The following RALYL variants were observed in gnomAD, a reference collection of about 807,000 sequenced individuals.
The protein encoded by RALYL is RALY RNA binding protein like, also known as RNA-binding Raly-like protein.
RALYL carries 29 observed loss-of-function variants against 35.1 expected under a neutral mutation model. The observed-to-expected ratio is 0.83, with a 90% confidence interval of 0.61 to 1.13. The LOEUF is 1.13. Among genes scored for constraint, RALYL ranks in the 50% most tolerant of loss-of-function variants. RALYL has a pLI of 0.00. For synonymous variants in RALYL, 120 were observed against 127.6 expected, an observed-to-expected ratio of 0.94 and a Z score of 0.40; for missense variants, 359 against 360.4, an observed-to-expected ratio of 1.00 and a Z score of 0.03.
rs146818708 is a variant in RALYL, at chr8:84,734,220, C to A, written c.257-40359C>A. Among the ~76,000 whole-genome samples, 553 of 152,178 alleles carry A rather than the reference C, an allele frequency of 3.6e-3. 6 individuals are homozygous for A. The highest frequency in any genetic ancestry group is 0.013 in the African/African-American group (530 of 41,538). ...TTTTCTATTCCTGTTGTGCATATCACCCCTTAATTTAAATCTTTGACAAGC... is the reference window on the plus strand; with the variant it reads ...TTTTCTATTCCTGTTGTGCATATCAACCCTTAATTTAAATCTTTGACAAGC... On this transcript the variant is annotated intron_variant, in intron 2 of 8. Transcript: ENST00000521268.
At chr8:84,294,390 G>T (rs1329944767) in intron 1 of RALYL, among the ~76,000 whole-genome samples, 1 of 152,112 alleles carries the variant, frequency 6.6e-6, no homozygotes, top group Non-Finnish European at 1.5e-5. Flanking sequence ...GGATTAAATT[G>T]TTCAGCAATG....
At position 84,554,854 on chromosome 8, in the gene RALYL, C is replaced by A. The variant is rs188103286; in HGVS notation, c.256+25277C>A. The stretch of plus-strand genomic sequence containing the variant: ...GTATAGAAATTTTGATAAATTATTT[C>A]TTCAAAACAAAAGAGTATGACAAAG... On this transcript the variant is annotated intron_variant, in intron 2 of 8. Transcript: ENST00000521268. Among the ~76,000 whole-genome samples the A allele has an allele frequency of 5.8e-3, 876 of 152,248 alleles. 2 individuals are homozygous for A. The highest frequency in any genetic ancestry group is 8.1e-3 in the Non-Finnish European group (548 of 68,004).
At chr8:84,259,457 T>C (rs1024582252) in intron 1 of RALYL, among the ~76,000 whole-genome samples, 5 of 152,144 alleles carry the variant, frequency 3.3e-5, no homozygotes, top group African/African-American at 1.2e-4. Flanking sequence ...GTATTATCAT[T>C]CTAATTGTTC....
At chr8:84,569,004 T>C (rs1807216735) in intron 2 of RALYL, among the ~76,000 whole-genome samples, 1 of 149,316 alleles carries the variant, frequency 6.7e-6, no homozygotes, top group African/African-American at 2.5e-5. Context: ...GGTTGCCTGT[T>C]CACTCTGATG....
chr8:84,347,134 G>A (rs549124860), intron 1 of RALYL, among the ~76,000 whole-genome samples: 2 of 152,094 alleles, frequency 1.3e-5, no homozygotes, highest in South Asian at 4.1e-4. Flanking sequence ...CTGGGAGGCA[G>A]AGGTTGCAGT....
intron 1 of RALYL, among the ~76,000 whole-genome samples, chr8:84,356,893 G>C (rs1470496390): frequency 3.3e-3 from 447 of 134,714 alleles, no homozygotes; most frequent in African/African-American, 0.011. Context: ...TATATATATA[G>C]AATAATAGAG....
intron 2 of RALYL, among the ~76,000 whole-genome samples, chr8:84,659,968 GT>G (rs1830606309): frequency 6.6e-6 from 1 of 152,072 alleles, no homozygotes. Flanking sequence ...AGAAATAGAG[GT>G]TTAAGTATAT....
At chr8:84,758,613 T>C (rs1811980885) in intron 2 of RALYL, among the ~76,000 whole-genome samples, 2 of 150,674 alleles carry the variant, frequency 1.3e-5, no homozygotes, top group Admixed American at 1.3e-4. Flanking sequence ...CACGTGGCCT[T>C]CCCACAGGGT....
At chr8:84,200,409 TAA>T (rs1816569982) in intron 1 of RALYL, among the ~76,000 whole-genome samples, 1 of 152,152 alleles carries the variant, frequency 6.6e-6, no homozygotes, top group Non-Finnish European at 1.5e-5. Context: ...AAAGTAATTT[TAA>T]GATAGAAGTT....
chr8:84,253,161 G>GTGTGTAGT lies in RALYL; in HGVS notation c.-24+68739_-24+68746dup, dbSNP rs1424556614. 4.7e-5 allele frequency among the ~76,000 whole-genome samples: 6 copies of GTGTGTAGT among 128,746 alleles called. No homozygotes were observed. The South Asian group carries it at 7.4e-4, about 16-fold the overall frequency. 84.5% of individuals were successfully genotyped at this position (128,746 alleles called of 152,430 possible). A position where few individuals can be genotyped will look rare whatever the true frequency, so the allele number is the denominator to read the frequency against. On this transcript the variant is annotated intron_variant, in intron 1 of 8. Coordinates refer to ENST00000521268, the MANE Select transcript of RALYL (RefSeq NM_173848.7). ...AATATGCGTTTGTGTGTATGTGTCTGTGTGTAGTTCTGCAGTTTTTTTTTT... is the reference window on the plus strand; with the variant it reads ...AATATGCGTTTGTGTGTATGTGTCTGTGTGTAGTTGTGTAGTTCTGCAGTTTTTTTTTT...
intron 2 of RALYL, among the ~76,000 whole-genome samples, chr8:84,752,692 G>A (rs982464461): frequency 6.6e-6 from 1 of 152,228 alleles, no homozygotes; most frequent in South Asian, 2.1e-4. Context: ...TAGCTGAAAG[G>A]GTCCCAGGTA....
intron 2 of RALYL, among the ~76,000 whole-genome samples, chr8:84,762,839 T>C (rs938891232): frequency 2.6e-5 from 4 of 152,204 alleles, no homozygotes; most frequent in African/African-American, 9.6e-5. Flanking sequence ...CATCAGTGCA[T>C]TAATATAGCA....
chr8:84,663,361 G>A (rs1831291859), intron 2 of RALYL, among the ~76,000 whole-genome samples: 1 of 152,040 alleles, frequency 6.6e-6, no homozygotes. Context: ...TAATGAGATT[G>A]CTGGAGGGAA....
intron 1 of RALYL, among the ~76,000 whole-genome samples, chr8:84,190,314 A>G (rs1235927906): frequency 1.3e-5 from 2 of 152,218 alleles, no homozygotes; most frequent in Admixed American, 6.5e-5. Context: ...TTAGTAACAT[A>G]AAACACATAT....
intron 2 of RALYL, among the ~76,000 whole-genome samples, chr8:84,614,316 A>T (rs1399874420): frequency 6.6e-6 from 1 of 151,584 alleles, no homozygotes; most frequent in African/African-American, 2.4e-5. Flanking sequence ...CCTACACTCA[A>T]ATTCTGAGCT....
chr8:84,196,606 TTTCAGGAG>T (rs1333061253), intron 1 of RALYL, among the ~76,000 whole-genome samples: 3 of 152,192 alleles, frequency 2.0e-5, no homozygotes, highest in Admixed American at 6.5e-5. Flanking sequence ...AACAGCCACA[TTTCAGGAG>T]CTCACAGGCC....
At chr8:84,457,371 T>C (rs1461350535) in intron 1 of RALYL, among the ~76,000 whole-genome samples, 1 of 151,954 alleles carries the variant, frequency 6.6e-6, no homozygotes, top group Non-Finnish European at 1.5e-5. Flanking sequence ...GCAGAGTGTC[T>C]TTCATTTTTG....
chr8:84,185,080 G>T, intron 1 of RALYL: 1 of 1,561,700 alleles, frequency 6.4e-7, no homozygotes. Flanking sequence ...GCTGTCTTTG[G>T]ATCTTTTTTT....
intron 4 of RALYL, among the ~76,000 whole-genome samples, chr8:84,815,244 G>A (rs939686351): frequency 6.6e-6 from 1 of 152,050 alleles, no homozygotes; most frequent in African/African-American, 2.4e-5. Context: ...CTATGCAGAA[G>A]TACATATAAA....
Sources: gnomAD v4.1 joint callset for allele counts (sites outside exome capture counted in the v4.1 genomes callset) on GRCh38, gnomAD v4.1.1 for gene constraint, MANE v1.5 for transcripts, NCBI Gene and HGNC (gene_info 2026-07-23, HGNC 2026-07-21) for gene names.